Variants in RALGAPA1 observed in about 807,000 individuals in gnomAD.
The protein encoded by RALGAPA1 is ral GTPase-activating protein subunit alpha-1.
In RALGAPA1, 52 loss-of-function variants were observed where a neutral mutation model predicts 269.6. The observed-to-expected ratio is 0.19, with a 90% CI of 0.15 to 0.24. RALGAPA1 has a LOEUF of 0.24. Among genes scored for constraint, RALGAPA1 ranks in the 10% least tolerant of loss-of-function variants. The pLI is 1.00. For synonymous variants in RALGAPA1, 817 were observed against 1,008.3 expected, an observed-to-expected ratio of 0.81 and a Z score of 3.60; for missense variants, 1,917 against 3,013.9, an observed-to-expected ratio of 0.64 and a Z score of 8.52.
At position 35,598,628 on chromosome 14, in the gene RALGAPA1, C is replaced by A. The variant is rs113040710; in HGVS notation, c.7054-2839G>T. Reference sequence around the variant, plus strand: ...AGAGAGGGGGTTTCGCCATGTTGGCCAGGCTGGTCTCGAACTCCTGGCCTC... The same window carrying A: ...AGAGAGGGGGTTTCGCCATGTTGGCAAGGCTGGTCTCGAACTCCTGGCCTC... On this transcript the variant is annotated intron_variant, in intron 36 of 41. Coordinates refer to ENST00000680220, the MANE Select transcript of RALGAPA1 (RefSeq NM_001346249.2). Among the ~76,000 whole-genome samples, 482 of 152,210 alleles carry A rather than the reference C, an allele frequency of 3.2e-3. 2 individuals are homozygous for A. Among genetic ancestry groups the A allele is most frequent in the African/African-American group, 0.011 (444 of 41,522 alleles).
At chr14:35,747,118 A>G (rs553564579) in intron 10 of RALGAPA1, among the ~76,000 whole-genome samples, 10 of 152,076 alleles carry the variant, frequency 6.6e-5, no homozygotes, top group Non-Finnish European at 5.9e-5. Context: ...GTTCAAGACC[A>G]GCCTGGACAA....
intron 7 of RALGAPA1, among the ~76,000 whole-genome samples, chr14:35,753,107 C>G (rs1051647569): frequency 6.6e-6 from 1 of 152,046 alleles, no homozygotes; most frequent in Non-Finnish European, 1.5e-5. Context: ...CCAGAGTGGA[C>G]AAGGAAGGTA....
intron 31 of RALGAPA1, among the ~76,000 whole-genome samples, chr14:35,639,360 T>C (rs867927575): frequency 5.3e-5 from 8 of 152,314 alleles, no homozygotes; most frequent in East Asian, 1.9e-4. Flanking sequence ...ACTTTCAGCA[T>C]TGGACATTTC....
At chr14:35,583,461 T>C (rs549973597) in intron 37 of RALGAPA1, among the ~76,000 whole-genome samples, 4 of 152,256 alleles carry the variant, frequency 2.6e-5, no homozygotes, top group Admixed American at 1.3e-4. Context: ...GCAAAAACTG[T>C]GGGACTACCA....
At chr14:35,544,735 C>T (rs1398235523) in intron 41 of RALGAPA1, among the ~76,000 whole-genome samples, 2 of 152,002 alleles carry the variant, frequency 1.3e-5, no homozygotes, top group South Asian at 2.1e-4. Context: ...AATTAATATG[C>T]GTAGGAATCT....
At chr14:35,613,324 C>T (rs2060068306) in intron 35 of RALGAPA1, among the ~76,000 whole-genome samples, 2 of 152,044 alleles carry the variant, frequency 1.3e-5, no homozygotes, top group Non-Finnish European at 2.9e-5. Flanking sequence ...TCATGTGATC[C>T]ACCTGCCTTG....
At chr14:35,656,247 G>A (rs1341020150) in intron 28 of RALGAPA1, among the ~76,000 whole-genome samples, 6 of 152,144 alleles carry the variant, frequency 3.9e-5, no homozygotes, top group Non-Finnish European at 8.8e-5. Flanking sequence ...AATGGAAAGT[G>A]TAATTTTATT....
At chr14:35,659,479 T>C (rs2063403439) in intron 27 of RALGAPA1, among the ~76,000 whole-genome samples, 2 of 152,040 alleles carry the variant, frequency 1.3e-5, no homozygotes, top group Non-Finnish European at 2.9e-5. Context: ...TTTTTAAGAT[T>C]TTGAGAAATA....
chr14:35,748,354 A>G, intron 10 of RALGAPA1: 1 of 310,764 alleles, frequency 3.2e-6, no homozygotes, highest in Non-Finnish European at 5.7e-6. Flanking sequence ...AATAGCTAAT[A>G]ATCAGTAATT....
chr14:35,592,058 G>C (rs1448110166), intron 37 of RALGAPA1, among the ~76,000 whole-genome samples: 2 of 152,110 alleles, frequency 1.3e-5, no homozygotes, highest in Admixed American at 6.6e-5. Context: ...CACCTCTTTT[G>C]TTTATAAATC....
chr14:35,542,596 C>A (rs1284944451), intron 41 of RALGAPA1: 1 of 152,154 alleles, frequency 6.6e-6, no homozygotes, highest in Non-Finnish European at 1.5e-5. Context: ...AGTAGAAAGA[C>A]CTCAATTTTA....
intron 37 of RALGAPA1, among the ~76,000 whole-genome samples, chr14:35,578,671 T>C (rs944566617): frequency 1.3e-5 from 2 of 152,218 alleles, no homozygotes; most frequent in African/African-American, 4.8e-5. Flanking sequence ...ACAATACTTA[T>C]CTTGCATTTT....
intron 36 of RALGAPA1, among the ~76,000 whole-genome samples, chr14:35,598,127 T>G (rs2059032496): frequency 6.6e-6 from 1 of 152,226 alleles, no homozygotes; most frequent in African/African-American, 2.4e-5. Context: ...TCTCCAACCA[T>G]AATTGTGAAT....
rs923285301 is a variant in RALGAPA1 at position 35,689,086 on chromosome 14, C to T, written c.3325G>A (p.Val1109Ile). The change falls in exon 18 of 42, where the codon GTT (valine) becomes ATT (isoleucine). Residue 1109 changes from valine to isoleucine, a missense_variant. Val to Ile is a conservative substitution (Grantham distance 29). Transcript: ENST00000680220. ...RAKKATLKAP[V>I]NRRMPHVTST... ...GTAACATGAGGCATTCTGCGGTTAA[C>T]AGGTGCTTTTAGTGTTGCTTTCTTG... 1.6e-6 allele frequency: 2 copies of T among 1,236,324 alleles called. No individual in the cohort carries two copies. The highest frequency in any genetic ancestry group is 3.1e-5 in the African/African-American group (2 of 64,442). The allele number at this position is 1,236,324 out of a possible 1,614,324, so 76.6% of individuals were successfully genotyped here. A position where few individuals can be genotyped will look rare whatever the true frequency, so the allele number is the denominator to read the frequency against.
intron 37 of RALGAPA1, among the ~76,000 whole-genome samples, chr14:35,577,552 A>T (rs1330920781): frequency 6.6e-6 from 1 of 152,130 alleles, no homozygotes; most frequent in Non-Finnish European, 1.5e-5. Context: ...GTGAGAAATA[A>T]ATTTCTGTGG....
chr14:35,773,554 A>G (rs1420712885), intron 3 of RALGAPA1, among the ~76,000 whole-genome samples: 1 of 152,126 alleles, frequency 6.6e-6, no homozygotes, highest in Non-Finnish European at 1.5e-5. Context: ...TAACTAATCA[A>G]TCATCTCAGT....
At chr14:35,792,642 G>A (rs2076257950) in intron 1 of RALGAPA1, among the ~76,000 whole-genome samples, 1 of 151,876 alleles carries the variant, frequency 6.6e-6, no homozygotes, top group Non-Finnish European at 1.5e-5. Context: ...AACTAGCCGG[G>A]TATGGCGGTG....
rs1443412733 is a variant in RALGAPA1, at chr14:35,685,016, C to T, written c.4207G>A (p.Ala1403Thr). ...ATAAGATCACTGCTCCCTGCACTGG[C>T]AGGAGAAGTCCATTCTGAGGGCACA... ...PGVPSEWTSP[A>T]SAGSSDLISS... is the part of the protein sequence containing the mutation. Residue 1403 changes from alanine to threonine, a missense_variant, in exon 20 of 42, where the codon GCC becomes ACC. Around this residue, in one of 11 missense-constraint regions of RALGAPA1, gnomAD observed 615 missense variants for 790.0 expected, o/e 0.78. Transcript: ENST00000680220. 7 of 1,612,228 alleles carry T rather than the reference C, an allele frequency of 4.3e-6. No homozygotes were observed. The highest frequency in any genetic ancestry group is 5.9e-6 in the Non-Finnish European group (7 of 1,179,254).
chr14:35,614,635 G>A (rs1253831291), intron 35 of RALGAPA1, among the ~76,000 whole-genome samples: 1 of 152,116 alleles, frequency 6.6e-6, no homozygotes, highest in African/African-American at 2.4e-5. Context: ...TGAGATTGGG[G>A]TGATAGTTGT....
Sources: allele counts gnomAD v4.1 joint callset (sites outside exome capture counted in the v4.1 genomes callset), GRCh38; gene constraint gnomAD v4.1.1; regional missense constraint gnomAD v4.1.1; transcripts MANE v1.5; gene names NCBI Gene and HGNC (gene_info 2026-07-23, HGNC 2026-07-21).